MSRB3: variants seen among roughly 807,000 people sequenced by gnomAD.
The protein encoded by MSRB3 is methionine-R-sulfoxide reductase B3.
In MSRB3, 13 loss-of-function variants were observed where a neutral mutation model predicts 21.0. The observed-to-expected ratio is 0.62, with a 90% CI of 0.40 to 0.98. The LOEUF (loss-of-function observed/expected upper bound fraction) is 0.98. Ranked by LOEUF, MSRB3 falls within the 50% of genes least tolerant of loss-of-function variation. The probability of loss-of-function intolerance (pLI) is 0.00; values close to 1 mark genes in which losing one functional copy is unlikely to be tolerated. For missense variants in MSRB3, 199 were observed against 230.3 expected, an observed-to-expected ratio of 0.86 and a Z score of 0.88; for synonymous variants, 87 against 88.6, an observed-to-expected ratio of 0.98 and a Z score of 0.10.
intron 5 of MSRB3, among the ~76,000 whole-genome samples, chr12:65,379,196 ATCC>A (rs1878806823): frequency 6.6e-6 from 1 of 151,790 alleles, no homozygotes; most frequent in African/African-American, 2.4e-5. Flanking sequence ...CCATCCATCC[ATCC>A]ATCCATCCAT....
chr12:65,424,206 C>CTTT (rs998843757), intron 5 of MSRB3, among the ~76,000 whole-genome samples: 2 of 146,974 alleles, frequency 1.4e-5, no homozygotes. Context: ...ATTTTGTTGT[C>CTTT]TTTTTTTTTT....
chr12:65,382,921 CA>C (rs763382397), intron 5 of MSRB3, among the ~76,000 whole-genome samples: 16 of 151,796 alleles, frequency 1.1e-4, no homozygotes, highest in Non-Finnish European at 1.6e-4. Context: ...AATTTCCTCC[CA>C]AACGTTTTAA....
chr12:65,324,008 A>G (rs1256242627), intron 2 of MSRB3, among the ~76,000 whole-genome samples: 1 of 152,220 alleles, frequency 6.6e-6, no homozygotes, highest in East Asian at 1.9e-4. Flanking sequence ...ATATACTTTG[A>G]AAACCTAATT....
rs377683542 is a variant in MSRB3, at chr12:65,439,516, T to C, written c.293-14212T>C. On this transcript the variant is annotated intron_variant, in intron 5 of 6. Transcript: ENST00000308259. The stretch of plus-strand genomic sequence containing the variant: ...TCTCATGGAACATTAGAAGATGATA[T>C]ATCATGTATGTGGCTACAAGGAAAA... Among the ~76,000 whole-genome samples the C allele has an allele frequency of 6.6e-5, 10 of 151,796 alleles. No homozygotes were observed. The South Asian group carries it at 1.9e-3, about 28-fold the overall frequency.
intron 5 of MSRB3, among the ~76,000 whole-genome samples, chr12:65,406,703 G>A (rs1880432357): frequency 6.6e-6 from 1 of 152,146 alleles, no homozygotes; most frequent in Non-Finnish European, 1.5e-5. Context: ...ACAAATCTAT[G>A]CTATGGTTTG....
At chr12:65,293,015 T>G (rs1223933514) in intron 1 of MSRB3, among the ~76,000 whole-genome samples, 1 of 152,168 alleles carries the variant, frequency 6.6e-6, no homozygotes, top group Non-Finnish European at 1.5e-5. Context: ...TGTATTCATT[T>G]GCCTCTATAT....
chr12:65,389,080 G>T (rs1283776733), intron 5 of MSRB3, among the ~76,000 whole-genome samples: 1 of 151,946 alleles, frequency 6.6e-6, no homozygotes, highest in Non-Finnish European at 1.5e-5. Flanking sequence ...TCATTGTTAT[G>T]GGTAAATTGA....
chr12:65,407,679 A>G (rs1229263895), intron 5 of MSRB3, among the ~76,000 whole-genome samples: 1 of 152,092 alleles, frequency 6.6e-6, no homozygotes, highest in African/African-American at 2.4e-5. Context: ...TATTCCTATT[A>G]AATAAATGTG....
chr12:65,363,570 A>G (rs1877831854), intron 4 of MSRB3, among the ~76,000 whole-genome samples: 2 of 152,154 alleles, frequency 1.3e-5, no homozygotes, highest in South Asian at 2.1e-4. Context: ...TTTCATTTTC[A>G]TGTTTAAAAA....
At chr12:65,373,565 G>C (rs1302779168) in intron 5 of MSRB3, among the ~76,000 whole-genome samples, 1 of 152,012 alleles carries the variant, frequency 6.6e-6, no homozygotes, top group Admixed American at 6.6e-5. Flanking sequence ...ATAAGCTTAT[G>C]TTTAGTGCTT....
rs564649142 is a variant in MSRB3, at chr12:65,342,017, C to T, written c.263+13414C>T. On this transcript the variant is annotated intron_variant, in intron 4 of 6. Coordinates refer to ENST00000308259, the MANE Select transcript of MSRB3 (RefSeq NM_001031679.3). ...CAAAGTGTTTTTTTCTGTTGTCTCT[C>T]ACCACTCAACACTACTACAATACAA... is the stretch of plus-strand genomic sequence containing the variant. Among the ~76,000 whole-genome samples the T allele has an allele frequency of 7.2e-4, 109 of 151,930 alleles. No homozygotes were observed. In the Middle Eastern group the frequency reaches 0.01, roughly 14 times the overall value.
chr12:65,306,328 G>T (rs997758078), intron 1 of MSRB3, among the ~76,000 whole-genome samples: 6 of 152,130 alleles, frequency 3.9e-5, no homozygotes, highest in Non-Finnish European at 8.8e-5. Flanking sequence ...TTGTTCTGTG[G>T]AAGTATGAGT....
At chr12:65,454,071 G>C in intron 6 of MSRB3, 5 of 630,786 alleles carry the variant, frequency 7.9e-6, no homozygotes, top group Non-Finnish European at 1.4e-5. Context: ...ATCACTTGAG[G>C]CCAGAAGTTC....
chr12:65,346,201 A>G (rs1402319953), intron 4 of MSRB3, among the ~76,000 whole-genome samples: 1 of 152,196 alleles, frequency 6.6e-6, no homozygotes. Context: ...AGTCCCACCA[A>G]CAGTGTAAAA....
chr12:65,432,897 G>C (rs964124782), intron 5 of MSRB3, among the ~76,000 whole-genome samples: 1 of 151,926 alleles, frequency 6.6e-6, no homozygotes, highest in Non-Finnish European at 1.5e-5. Context: ...GAGATAAAGG[G>C]ATTTGTGAAT....
chr12:65,424,306 C>G (rs545147979), intron 5 of MSRB3, among the ~76,000 whole-genome samples: 6 of 151,298 alleles, frequency 4.0e-5, no homozygotes, highest in East Asian at 1.9e-4. Context: ...TGTCTAGTCT[C>G]TATTTATTTC....
chr12:65,371,526 A>G (rs11175737), intron 5 of MSRB3, among the ~76,000 whole-genome samples: 2,715 of 151,712 alleles, frequency 0.018, 88 homozygotes, highest in African/African-American at 0.062. Context: ...AATAAATACT[A>G]TGGTCAGTGA....
chr12:65,400,719 A>G (rs1416668724), intron 5 of MSRB3, among the ~76,000 whole-genome samples: 5 of 151,978 alleles, frequency 3.3e-5, no homozygotes, highest in Admixed American at 3.3e-4. Context: ...TCGGTTTTAG[A>G]TCTTTCCTGC....
chr12:65,305,128 C>T (rs117612114), intron 1 of MSRB3: 2,082 of 150,170 alleles, frequency 0.014, 47 homozygotes, highest in East Asian at 0.057. Flanking sequence ...GAGTGCAGTA[C>T]GCAATCTCAG....
Sources: gnomAD v4.1 joint callset for allele counts (sites outside exome capture counted in the v4.1 genomes callset) on GRCh38, gnomAD v4.1.1 for gene constraint, MANE v1.5 for transcripts, NCBI Gene and HGNC (gene_info 2026-07-23, HGNC 2026-07-21) for gene names.